DLG2: variants seen among roughly 807,000 people sequenced by gnomAD.
DLG2 encodes the protein discs large MAGUK scaffold protein 2, also known as disks large homolog 2.
In DLG2, 45 loss-of-function variants were observed where a neutral mutation model predicts 132.5. The observed-to-expected ratio is 0.34, with a 90% CI of 0.27 to 0.44. The LOEUF is 0.44. DLG2 is among the 20% of genes least tolerant of loss of function. DLG2 has a pLI of 1.00. For synonymous variants in DLG2, 424 were observed against 419.6 expected (o/e 1.01, Z -0.13); for missense variants, 1,045 against 1,196.9 (o/e 0.87, Z 1.87).
intron 3 of DLG2, among the ~76,000 whole-genome samples, chr11:85,509,115 C>T (rs1376352321): frequency 6.6e-6 from 1 of 151,982 alleles, no homozygotes; most frequent in Non-Finnish European, 1.5e-5. Context: ...TTCACTTACA[C>T]AGAAAATTTC....
intron 6 of DLG2, among the ~76,000 whole-genome samples, chr11:84,822,566 G>A (rs927332289): frequency 6.6e-6 from 1 of 151,872 alleles, no homozygotes; most frequent in African/African-American, 2.4e-5. Context: ...CAGAAGCTGA[G>A]ATCTGTGAAG....
intron 7 of DLG2, among the ~76,000 whole-genome samples, chr11:84,418,604 G>A (rs1172009503): frequency 6.6e-6 from 1 of 152,100 alleles, no homozygotes; most frequent in Non-Finnish European, 1.5e-5. Context: ...AATGGTTTTT[G>A]AATTAGTTAT....
At chr11:84,234,906 C>T (rs188426460) in intron 8 of DLG2, among the ~76,000 whole-genome samples, 1 of 152,294 alleles carries the variant, frequency 6.6e-6, no homozygotes, top group East Asian at 1.9e-4. Flanking sequence ...CTCCCCTTTC[C>T]AGGACTTTTT....
At chr11:84,622,670 A>G (rs576940054) in intron 6 of DLG2, among the ~76,000 whole-genome samples, 23 of 152,186 alleles carry the variant, frequency 1.5e-4, no homozygotes, top group Non-Finnish European at 3.1e-4. Flanking sequence ...AGAGCATTCT[A>G]TGTGGGTTGG....
intron 6 of DLG2, among the ~76,000 whole-genome samples, chr11:85,031,926 A>G (rs1237921): frequency 0.71 from 104,358 of 146,684 alleles, 38,034 homozygotes; most frequent in East Asian, 0.94. Flanking sequence ...TGGGGCTACA[A>G]GTGTGTACCC....
Position 83,957,064 on chromosome 11 carries a change from A to T in DLG2, c.1340+5821T>A, listed in dbSNP as rs574157482. On this transcript the variant is annotated intron_variant, in intron 14 of 27. Transcript: ENST00000376104. ...AGAATATTTTTACTTTAAAGCAAAC[A>T]ATATTCTGCAAGCTTTTGTGATAAA... is the stretch of plus-strand genomic sequence containing the variant. 4.5e-3 allele frequency among the ~76,000 whole-genome samples: 688 copies of T among 152,352 alleles called. 8 individuals are homozygous for T. The highest frequency in any genetic ancestry group is 0.028 in the South Asian group (136 of 4,832).
intron 16 of DLG2, among the ~76,000 whole-genome samples, chr11:83,840,624 T>A (rs556665558): frequency 6.6e-6 from 1 of 152,352 alleles, no homozygotes; most frequent in East Asian, 1.9e-4. Context: ...GATTCTCTAA[T>A]TTTTAAAGAT....
At chr11:84,540,796 A>G (rs1237084087) in intron 6 of DLG2, among the ~76,000 whole-genome samples, 3 of 152,116 alleles carry the variant, frequency 2.0e-5, no homozygotes, top group Admixed American at 6.6e-5. Flanking sequence ...CAACCCAAAC[A>G]TCCATCAATG....
chr11:83,808,136 C>A (rs943251494), intron 17 of DLG2, among the ~76,000 whole-genome samples: 3 of 152,156 alleles, frequency 2.0e-5, no homozygotes, highest in African/African-American at 7.2e-5. Context: ...CAGCCCCCTC[C>A]AGGCATACTG....
chr11:85,627,079 C>G (rs2082072984), intron 1 of DLG2, 139 bp downstream of exon 1: 1 of 152,026 alleles, frequency 6.6e-6, no homozygotes. Flanking sequence ...AAAATGTAAC[C>G]CCACCTCCCC....
intron 11 of DLG2, among the ~76,000 whole-genome samples, chr11:84,050,061 G>C (rs2096331306): frequency 6.6e-6 from 1 of 151,668 alleles, no homozygotes; most frequent in Non-Finnish European, 1.5e-5. Flanking sequence ...CAATGAAGAA[G>C]AGAAGACTGA....
intron 4 of DLG2, among the ~76,000 whole-genome samples, chr11:85,252,696 A>T (rs2076458859): frequency 6.6e-6 from 1 of 152,248 alleles, no homozygotes. Context: ...CCTAATAAAT[A>T]TAAACATTGT....
At chr11:84,068,826 T>C (rs2096715487) in intron 10 of DLG2, among the ~76,000 whole-genome samples, 1 of 152,214 alleles carries the variant, frequency 6.6e-6, no homozygotes, top group Non-Finnish European at 1.5e-5. Flanking sequence ...CACTGAAAAG[T>C]AGATATTGTC....
rs1211208847 is a variant in DLG2, at chr11:83,906,081, C to CTCTA, written c.1496+24246_1496+24247insTAGA. Among the ~76,000 whole-genome samples, 159 of 96,606 alleles carry CTCTA rather than the reference C, an allele frequency of 1.6e-3. 1 individual carries two copies. Among genetic ancestry groups the CTCTA allele is most frequent in the East Asian group, 2.2e-3 (7 of 3,170 alleles). 63.4% of individuals were successfully genotyped at this position (96,606 alleles called of 152,430 possible). A position where few individuals can be genotyped will look rare whatever the true frequency, so the allele number is the denominator to read the frequency against. ...TCTCTCTCTCTCTCTCTCTCTCTCT[C>CTCTA]TATATATATATATATATATATATAC... On this transcript the variant is annotated intron_variant, in intron 15 of 27. Transcript: ENST00000376104.
intron 6 of DLG2, among the ~76,000 whole-genome samples, chr11:84,982,692 C>A: frequency 6.6e-6 from 1 of 151,644 alleles, no homozygotes. Context: ...ACAAAATATC[C>A]TCAAATAGAA....
chr11:85,507,617 G>A (rs562499226), intron 3 of DLG2, among the ~76,000 whole-genome samples: 5 of 151,040 alleles, frequency 3.3e-5, no homozygotes, highest in South Asian at 2.1e-4. Flanking sequence ...TGGGTAACCC[G>A]ACTTCTCTGG....
intron 6 of DLG2, among the ~76,000 whole-genome samples, chr11:84,785,042 T>C (rs915475396): frequency 6.6e-6 from 1 of 152,078 alleles, no homozygotes; most frequent in Non-Finnish European, 1.5e-5. Context: ...CTTTAAAACA[T>C]CGCATGGTTC....
chr11:83,895,370 G>A (rs1334694997), intron 15 of DLG2, among the ~76,000 whole-genome samples: 2 of 152,038 alleles, frequency 1.3e-5, no homozygotes, highest in African/African-American at 4.8e-5. Context: ...ACGTTGGTCA[G>A]GCTGGTCTTG....
At chr11:83,944,244 C>T (rs2083302628) in intron 14 of DLG2, among the ~76,000 whole-genome samples, 2 of 152,316 alleles carry the variant, frequency 1.3e-5, no homozygotes, top group African/African-American at 4.8e-5. Context: ...CCCGTTTATG[C>T]TCTTTTAAAG....
Sources: gnomAD v4.1 joint callset for allele counts (sites outside exome capture counted in the v4.1 genomes callset) on GRCh38, gnomAD v4.1.1 for gene constraint, MANE v1.5 for transcripts, NCBI Gene and HGNC (gene_info 2026-07-23, HGNC 2026-07-21) for gene names.